PCDHGC4: variants seen among roughly 807,000 people sequenced by gnomAD.
The protein encoded by PCDHGC4 is protocadherin gamma subfamily C, 4, also known as protocadherin gamma-C4.
A neutral mutation model predicts 59.7 loss-of-function variants in PCDHGC4; 15 were observed. The ratio of observed to expected loss-of-function variants is 0.25; its 90% CI spans 0.17 to 0.39. PCDHGC4 has a LOEUF of 0.39. PCDHGC4 is among the 10% of genes least tolerant of loss of function. The pLI is 1.00. For missense variants in PCDHGC4, 1,016 were observed against 1,189.5 expected (o/e 0.85, Z 2.15); for synonymous variants, 434 against 481.4 (o/e 0.90, Z 1.29).
intron 3 of PCDHGC4, among the ~76,000 whole-genome samples, chr5:141,508,837 A>C (rs1596180024): frequency 6.7e-6 from 1 of 149,276 alleles, no homozygotes; most frequent in Non-Finnish European, 1.5e-5. Context: ...CCCCTCCCCT[A>C]CCCCTTCCAT....
intron 2 of PCDHGC4, 50 bp from the exon 3 acceptor site, chr5:141,505,343 G>A: frequency 1.9e-6 from 3 of 1,612,934 alleles, no homozygotes; most frequent in Non-Finnish European, 2.5e-6. Flanking sequence ...GGAGGGGCAT[G>A]AGCTGTGCCG....
intron 2 of PCDHGC4, among the ~76,000 whole-genome samples, chr5:141,501,290 T>TACAC (rs55762287): frequency 0.051 from 6,975 of 136,060 alleles, 192 homozygotes; most frequent in African/African-American, 0.071. Context: ...TATTCCCTTA[T>TACAC]ACACACACAC....
chr5:141,506,801 C>A (rs1322016728), intron 3 of PCDHGC4, among the ~76,000 whole-genome samples: 2 of 152,166 alleles, frequency 1.3e-5, no homozygotes, highest in Non-Finnish European at 2.9e-5. Flanking sequence ...GGCAGAGGAT[C>A]AAGGCATTGC....
At position 141,487,179 on chromosome 5, in the gene PCDHGC4, C is replaced by T. The variant is rs768886732; in HGVS notation, c.2006C>T (p.Thr669Ile). Reference sequence around the variant, plus strand: ...CTCTTAGTGTCCTTAGAGGAAGACACTCATCCAGTTGTCCCAGATCTTCGA... The same window carrying T: ...CTCTTAGTGTCCTTAGAGGAAGACATTCATCCAGTTGTCCCAGATCTTCGA... ...VTLLVSLEEDTHPVVPDLRES... is the reference protein window; with the variant it reads ...VTLLVSLEEDIHPVVPDLRES... Residue 669 changes from threonine to isoleucine, a missense_variant, in exon 1 of 4, where the codon ACT becomes ATT. Transcript: ENST00000306593. This position sits in a 1 kb window ranked among gnomAD's most constrained non-coding sequence, Gnocchi z 5.0. 6.2e-6 allele frequency: 10 copies of T among 1,613,474 alleles called. No individual in the cohort carries two copies. Among genetic ancestry groups the T allele is most frequent in the Non-Finnish European group, 6.8e-6 (8 of 1,179,370 alleles).
At chr5:141,507,239 G>C (rs2099859378) in intron 3 of PCDHGC4, 1 of 152,310 alleles carries the variant, frequency 6.6e-6, no homozygotes, top group Non-Finnish European at 1.5e-5. Context: ...CCCAGTTACA[G>C]TTGAATGTCA....
At chr5:141,509,720 A>G (rs916316577) in intron 3 of PCDHGC4, among the ~76,000 whole-genome samples, 6 of 151,974 alleles carry the variant, frequency 3.9e-5, no homozygotes, top group Admixed American at 3.3e-4. Context: ...GTCTGATGTC[A>G]CCTAGCTGTG....
intron 2 of PCDHGC4, 103 bp from the exon 3 acceptor site, chr5:141,505,290 G>A: frequency 3.2e-6 from 5 of 1,564,680 alleles, no homozygotes; most frequent in Non-Finnish European, 4.3e-6. Context: ...TTGGGCATGG[G>A]GTAGGGTTAG....
chr5:141,497,960 C>T (rs946836523), intron 2 of PCDHGC4, among the ~76,000 whole-genome samples: 24 of 152,202 alleles, frequency 1.6e-4, no homozygotes, highest in African/African-American at 5.8e-4. Flanking sequence ...GTTGGCCAGG[C>T]AGTGTTCTCG....
chr5:141,490,890 G>C lies in PCDHGC4; in HGVS notation c.2442+3275G>C, dbSNP rs751713801. The C allele has an allele frequency of 9.9e-6, 16 of 1,613,306 alleles. No homozygotes were observed. The South Asian group carries it at 1.2e-4, about 12-fold the overall frequency. On this transcript the variant is annotated intron_variant, in intron 1 of 3. Transcript: ENST00000306593. This position sits in a 1 kb window ranked among gnomAD's most constrained non-coding sequence, Gnocchi z 5.4. ...CCCCATTGCATGCCAACACATCTCT[G>C]CATGTGTTTGTCCTAGACGAGAATG...
At chr5:141,502,575 A>G (rs1314648955) in intron 2 of PCDHGC4, among the ~76,000 whole-genome samples, 2 of 152,208 alleles carry the variant, frequency 1.3e-5, no homozygotes, top group Admixed American at 1.3e-4. Context: ...CATTATAAAA[A>G]TATATTTTTA....
rs1386912520 is a variant in PCDHGC4 at position 141,505,425 on chromosome 5, C to T, written c.2534C>T (p.Pro845Leu). 1.2e-6 allele frequency: 2 copies of T among 1,614,060 alleles called. No individual in the cohort carries two copies. The highest frequency in any genetic ancestry group is 1.7e-6 in the Non-Finnish European group (2 of 1,180,022). The change falls in exon 3 of 4, where the codon CCC becomes CTC. Residue 845 changes from proline to leucine, a missense_variant. Physicochemically the swap from Pro to Leu is moderately conservative, Grantham distance 98 (BLOSUM62 -3). Transcript: ENST00000306593. ...AATGGCGATGACACCGGCACCTGGC[C>T]CAACAACCAGTTTGACACAGAGATG... ...SQNGDDTGTW[P>L]NNQFDTEMLQ... is the part of the protein sequence containing the mutation.
chr5:141,496,146 G>T (rs749790409), intron 2 of PCDHGC4, among the ~76,000 whole-genome samples: 1 of 151,170 alleles, frequency 6.6e-6, no homozygotes, highest in South Asian at 2.1e-4. Flanking sequence ...GCCTTTGATC[G>T]CAGCTCTCCA....
Position 141,511,908 on chromosome 5 carries a change from A to T in PCDHGC4, c.*735A>T, listed in dbSNP as rs528200582. The T allele has an allele frequency of 4.5e-5, 7 of 156,536 alleles. No homozygotes were observed. The highest frequency in any genetic ancestry group is 1.9e-4 in the East Asian group (1 of 5,250). The allele number at this position is 156,536 out of a possible 1,614,324, so 9.7% of individuals were successfully genotyped here. A position where few individuals can be genotyped will look rare whatever the true frequency, so the allele number is the denominator to read the frequency against. On this transcript the variant is annotated 3_prime_UTR_variant, in exon 4 of 4. Transcript: ENST00000306593. ...GACTTCCCCCACCTCCTCCTCAAAC[A>T]AGAGACTCCACTGCATGTTCCAAGA...
At chr5:141,509,163 C>T (rs561329093) in intron 3 of PCDHGC4, among the ~76,000 whole-genome samples, 1 of 152,204 alleles carries the variant, frequency 6.6e-6, no homozygotes, top group East Asian at 1.9e-4. Context: ...CTCCCGTGTG[C>T]CCTCCTCCTC....
intron 2 of PCDHGC4, among the ~76,000 whole-genome samples, chr5:141,498,191 A>G (rs2099782212): frequency 6.6e-6 from 1 of 152,270 alleles, no homozygotes; most frequent in African/African-American, 2.4e-5. Flanking sequence ...CAAATTAACC[A>G]GCTAAAGAAA....
Position 141,486,786 on chromosome 5 carries a change from G to A in PCDHGC4, c.1613G>A (p.Arg538Gln), listed in dbSNP as rs1360545946. The A allele has an allele frequency of 1.9e-6, 3 of 1,614,090 alleles. No individual in the cohort carries two copies. The highest frequency in any genetic ancestry group is 2.2e-5 in the East Asian group (1 of 44,892). Reference protein sequence around the residue: ...TQTLQFEVQARDRGNPPLSST... With the variant: ...TQTLQFEVQAQDRGNPPLSST... ...ACACTGCAGTTTGAGGTGCAGGCCC[G>A]GGATCGGGGCAACCCACCCCTTAGC... is the stretch of plus-strand genomic sequence containing the variant. The change falls in exon 1 of 4, where the codon CGG (arginine) becomes CAG (glutamine). Residue 538 changes from arginine to glutamine, a missense_variant. Coordinates refer to ENST00000306593, the MANE Select transcript of PCDHGC4 (RefSeq NM_018928.3). This position sits in a 1 kb window ranked among gnomAD's most constrained non-coding sequence, Gnocchi z 5.0.
chr5:141,494,607 C>T (rs2099755630), intron 1 of PCDHGC4, among the ~76,000 whole-genome samples, 200 bp from the exon 2 acceptor site: 2 of 152,092 alleles, frequency 1.3e-5, no homozygotes, highest in South Asian at 2.1e-4. Flanking sequence ...TGTGATTTAT[C>T]TCTTGGTTTC....
chr5:141,500,986 A>G (rs1223940696), intron 2 of PCDHGC4, among the ~76,000 whole-genome samples: 1 of 151,656 alleles, frequency 6.6e-6, no homozygotes, highest in East Asian at 1.9e-4. Flanking sequence ...CTCCTGCCTC[A>G]GCCTCCTGAG....
Position 141,485,119 on chromosome 5 carries a change from C to A in PCDHGC4, c.-55C>A. 3.0e-6 allele frequency: 4 copies of A among 1,328,812 alleles called. No homozygotes were observed. Among genetic ancestry groups the A allele is most frequent in the Non-Finnish European group, 4.3e-6 (4 of 935,940 alleles). The allele number at this position is 1,328,812 out of a possible 1,614,324, so 82.3% of individuals were successfully genotyped here. ...CTCCAGCTGCTGTGGCTGTTTGGGG[C>A]GGGTCGGCTTCATCCGCGTCTCAGG... On this transcript the variant is annotated 5_prime_UTR_variant, in exon 1 of 4. Transcript: ENST00000306593. This position sits in a 1 kb window ranked among gnomAD's most constrained non-coding sequence, Gnocchi z 5.7.
Sources: gnomAD v4.1 joint callset for allele counts (sites outside exome capture counted in the v4.1 genomes callset) on GRCh38, gnomAD v4.1.1 for gene constraint, Gnocchi (gnomAD v3.1) non-coding constraint, MANE v1.5 for transcripts, NCBI Gene and HGNC (gene_info 2026-07-23, HGNC 2026-07-21) for gene names.